Variants in MYL12A observed in about 807,000 individuals in gnomAD.
MYL12A encodes myosin light chain 12A.
In MYL12A, 11 loss-of-function variants were observed where a neutral mutation model predicts 13.3. The ratio of observed to expected loss-of-function variants is 0.83; its 90% CI spans 0.52 to 1.37. The LOEUF is 1.37. Among genes scored for constraint, MYL12A ranks in the 40% most tolerant of loss-of-function variants. MYL12A has a pLI of 0.00. For synonymous variants in MYL12A, 51 were observed against 69.9 expected (o/e 0.73, Z 1.35); for missense variants, 146 against 212.3 (o/e 0.69, Z 1.94).
chr18:3,253,072 T>TATGG (rs2081502414), intron 1 of MYL12A, among the ~76,000 whole-genome samples, 161 bp from the exon 2 acceptor site: 1 of 152,210 alleles, frequency 6.6e-6, no homozygotes, highest in Non-Finnish European at 1.5e-5. Context: ...ACAGGACATA[T>TATGG]GTAATCTTGT....
intron 2 of MYL12A, 68 bp downstream of exon 2, chr18:3,253,496 G>T: frequency 6.4e-7 from 1 of 1,552,668 alleles, no homozygotes; most frequent in Non-Finnish European, 8.8e-7. Context: ...TTGATTTCAT[G>T]AGTCTTAAAG....
intron 2 of MYL12A, 73 bp downstream of exon 2, chr18:3,253,501 T>TGTGACTGG: frequency 6.5e-7 from 1 of 1,540,706 alleles, no homozygotes; most frequent in Non-Finnish European, 8.9e-7. Context: ...TTCATGAGTC[T>TGTGACTGG]TAAAGCTCTG....
chr18:3,253,289 T>G lies in MYL12A; in HGVS notation c.42T>G (p.Pro14=). 1 of 1,614,034 alleles carries G rather than the reference T, an allele frequency of 6.2e-7. No individual in the cohort carries two copies. Among genetic ancestry groups the G allele is most frequent in the Non-Finnish European group, 8.5e-7 (1 of 1,179,918 alleles). ...KRTKTKTKKR[P]QRATSNVFAM... Reference sequence around the variant, plus strand: ...CAAAGACCAAGACCAAGAAGCGCCCTCAGCGTGCAACATCCAATGTGTTTG... The same window carrying G: ...CAAAGACCAAGACCAAGAAGCGCCCGCAGCGTGCAACATCCAATGTGTTTG... Residue 14 remains proline, a synonymous_variant, in exon 2 of 4, where the codon CCT becomes CCG. Coordinates refer to ENST00000217652, the MANE Select transcript of MYL12A (RefSeq NM_006471.4).
intron 1 of MYL12A, among the ~76,000 whole-genome samples, chr18:3,251,273 A>C (rs1372075952): frequency 6.6e-6 from 1 of 152,186 alleles, no homozygotes. Context: ...ACCAAAACTA[A>C]GCATTTTGAA....
chr18:3,254,523 C>G (rs1443516864), intron 3 of MYL12A, among the ~76,000 whole-genome samples: 4 of 152,202 alleles, frequency 2.6e-5, no homozygotes, highest in Admixed American at 1.3e-4. Flanking sequence ...CTTCAAATTC[C>G]TCTTCCACAT....
At chr18:3,255,108 C>G (rs566167796) in intron 3 of MYL12A, among the ~76,000 whole-genome samples, 1 of 152,218 alleles carries the variant, frequency 6.6e-6, no homozygotes, top group Non-Finnish European at 1.5e-5. Context: ...CACTGCCCAG[C>G]ACAGTGCCTG....
At chr18:3,251,053 TTTAA>T (rs1238240286) in intron 1 of MYL12A, among the ~76,000 whole-genome samples, 26 of 152,082 alleles carry the variant, frequency 1.7e-4, no homozygotes, top group South Asian at 4.1e-4. Flanking sequence ...TACATATTAG[TTTAA>T]TTAACTTCAT....
intron 3 of MYL12A, 60 bp from the exon 4 acceptor site, chr18:3,255,686 T>G: frequency 6.5e-7 from 1 of 1,542,440 alleles, no homozygotes; most frequent in South Asian, 1.2e-5. Context: ...AGTATAGATA[T>G]TCTTTGTAAT....
rs931906385 is a variant in MYL12A at position 3,256,066 on chromosome 18, C to T, written c.*148C>T. ...GGGCATATGTATCTTTATAATCAGA[C>T]TGGAAACGGGACTTTCTATTAATAT... On this transcript the variant is annotated 3_prime_UTR_variant, in exon 4 of 4. Transcript: ENST00000217652. 1.0e-6 allele frequency: 1 copy of T among 999,250 alleles called. No homozygotes were observed. The highest frequency in any genetic ancestry group is 2.9e-5 in the Admixed American group (1 of 33,954). 61.9% of individuals were successfully genotyped at this position (999,250 alleles called of 1,614,324 possible). A position where few individuals can be genotyped will look rare whatever the true frequency, so the allele number is the denominator to read the frequency against.
intron 1 of MYL12A, chr18:3,248,688 A>G (rs574736414): frequency 6.6e-6 from 1 of 152,366 alleles, no homozygotes; most frequent in East Asian, 1.9e-4. Flanking sequence ...ATAAACGGTA[A>G]TCAGAAAAGC....
rs764366847 is a variant in MYL12A, at chr18:3,253,284, C to T, written c.37C>T (p.Arg13Cys). The T allele has an allele frequency of 6.8e-6, 11 of 1,613,820 alleles. No homozygotes were observed. Among genetic ancestry groups the T allele is most frequent in the Non-Finnish European group, 9.3e-6 (11 of 1,179,784 alleles). The change falls in exon 2 of 4, where the codon CGC (arginine) becomes TGC (cysteine). Residue 13 changes from arginine (R) to cysteine (C), a missense_variant. By Grantham distance (180) the Arg-to-Cys change is radical. Coordinates refer to ENST00000217652, the MANE Select transcript of MYL12A (RefSeq NM_006471.4). ...AAGAACAAAGACCAAGACCAAGAAGCGCCCTCAGCGTGCAACATCCAATGT... is the reference window on the plus strand; with the variant it reads ...AAGAACAAAGACCAAGACCAAGAAGTGCCCTCAGCGTGCAACATCCAATGT... ...SKRTKTKTKKRPQRATSNVFA... is the reference protein window; with the variant it reads ...SKRTKTKTKKCPQRATSNVFA...
Position 3,250,309 on chromosome 18 carries a change from A to G in MYL12A, c.-16+2400A>G, listed in dbSNP as rs371030128. ...GTTGTGCATTTGCTGAAGGCTTATT[A>G]CATGAAGAGTGACAGTCTAAATTGT... is the stretch of plus-strand genomic sequence containing the variant. On this transcript the variant is annotated intron_variant, in intron 1 of 3. Coordinates refer to ENST00000217652, the MANE Select transcript of MYL12A (RefSeq NM_006471.4). Among the ~76,000 whole-genome samples the G allele has an allele frequency of 1.1e-4, 17 of 152,386 alleles. No homozygotes were observed. The South Asian group carries it at 3.5e-3, about 32-fold the overall frequency.
rs372244751 is a variant in MYL12A at position 3,255,942 on chromosome 18, C to T, written c.*24C>T. On this transcript the variant is annotated 3_prime_UTR_variant, in exon 4 of 4. Transcript: ENST00000217652. ...GAAATAACTTCAAATTCCAGCCAAA[C>T]GTTCCTTGTTGCCACTTTGGGTATT... 8.1e-5 allele frequency: 130 copies of T among 1,610,232 alleles called. 1 individual carries two copies. The highest frequency in any genetic ancestry group is 3.0e-4 in the South Asian group (27 of 90,422).
chr18:3,250,928 A>G lies in MYL12A; in HGVS notation c.-15-2305A>G, dbSNP rs542107104. Among the ~76,000 whole-genome samples the G allele has an allele frequency of 3.2e-4, 49 of 152,312 alleles. No homozygotes were observed. In the South Asian group the frequency reaches 8.7e-3, roughly 27 times the overall value. ...ACTCATTTCATAAGTTGAACCAATCATCTCATTTCTTTATAGTTGCCTCCC... is the reference window on the plus strand; with the variant it reads ...ACTCATTTCATAAGTTGAACCAATCGTCTCATTTCTTTATAGTTGCCTCCC... On this transcript the variant is annotated intron_variant, in intron 1 of 3. Coordinates refer to ENST00000217652, the MANE Select transcript of MYL12A (RefSeq NM_006471.4).
At chr18:3,252,393 C>A (rs56309710) in intron 1 of MYL12A, 203,921 of 1,486,530 alleles carry the variant, frequency 0.14, 14,899 homozygotes, top group East Asian at 0.26. Flanking sequence ...TAGTTTTTAA[C>A]AGATTGAGTA....
rs756034833 is a variant in MYL12A at position 3,255,877 on chromosome 18, A to G, written c.475A>G (p.Thr159Ala). The G allele has an allele frequency of 1.2e-6, 2 of 1,614,054 alleles. No homozygotes were observed. The highest frequency in any genetic ancestry group is 1.7e-6 in the Non-Finnish European group (2 of 1,179,990). The change falls in exon 4 of 4, where the codon ACA (threonine) becomes GCA (alanine). Residue 159 changes from threonine (T) to alanine (A), a missense_variant. Physicochemically the swap from Thr to Ala is moderately conservative, Grantham distance 58 (BLOSUM62 0). Coordinates refer to ENST00000217652, the MANE Select transcript of MYL12A (RefSeq NM_006471.4). The part of the protein sequence containing the change: ...KKGNFNYIEF[T>A]RILKHGAKDK... ...GGGGAATTTCAATTACATCGAGTTC[A>G]CACGCATCCTGAAACATGGAGCCAA...
rs867543131 is a variant in MYL12A at position 3,252,903 on chromosome 18, G to A, written c.-15-330G>A. Among the ~76,000 whole-genome samples, 7 of 152,264 alleles carry A rather than the reference G, an allele frequency of 4.6e-5. No individual in the cohort carries two copies. The South Asian group carries it at 6.2e-4, about 14-fold the overall frequency. On this transcript the variant is annotated intron_variant, in intron 1 of 3. Transcript: ENST00000217652. ...AGTTTAGGCTAAGGCTGCAAAGCAG[G>A]GACCTACTGAAGATGAATTAGTATC... is the stretch of plus-strand genomic sequence containing the variant.
intron 3 of MYL12A, chr18:3,255,419 G>T (rs1038002621): frequency 1.0e-5 from 2 of 190,524 alleles, no homozygotes; most frequent in African/African-American, 2.3e-5. Flanking sequence ...CCACTTGAAG[G>T]AACCGTAAGG....
intron 1 of MYL12A, chr18:3,252,444 T>C: frequency 1.5e-6 from 2 of 1,309,208 alleles, no homozygotes; most frequent in South Asian, 1.8e-5. Flanking sequence ...TTAGACATTC[T>C]TTTTAATTTT....
Sources: gnomAD v4.1 joint callset for allele counts (sites outside exome capture counted in the v4.1 genomes callset) on GRCh38, gnomAD v4.1.1 for gene constraint, MANE v1.5 for transcripts, NCBI Gene and HGNC (gene_info 2026-07-23, HGNC 2026-07-21) for gene names.